TMEM232: variants seen among roughly 807,000 people sequenced by gnomAD.
TMEM232 encodes the protein transmembrane protein 232.
Under a neutral mutation model 78.8 loss-of-function variants are expected in TMEM232, and 80 were observed. That is an observed-to-expected ratio of 1.01 (90% CI 0.85 to 1.22). TMEM232 has a LOEUF of 1.22. Ranked by LOEUF, TMEM232 falls within the 50% of genes most tolerant of loss-of-function variation. The probability of loss-of-function intolerance (pLI) is 0.00; values close to 1 mark genes in which losing one functional copy is unlikely to be tolerated. For synonymous variants in TMEM232, 297 were observed against 254.3 expected (o/e 1.17, Z -1.60); for missense variants, 881 against 742.2 (o/e 1.19, Z -2.17).
At chr5:110,703,064 T>C (rs1470902116) in intron 1 of TMEM232, among the ~76,000 whole-genome samples, 1 of 151,916 alleles carries the variant, frequency 6.6e-6, no homozygotes, top group Non-Finnish European at 1.5e-5. Flanking sequence ...AACTTGACTC[T>C]CCGGAGGGTA....
intron 11 of TMEM232, among the ~76,000 whole-genome samples, chr5:110,541,513 A>T (rs1341871780): frequency 1.3e-5 from 2 of 152,148 alleles, no homozygotes; most frequent in Non-Finnish European, 2.9e-5. Context: ...CCAAAGTGAT[A>T]AAGGCATGTC....
intron 10 of TMEM232, among the ~76,000 whole-genome samples, chr5:110,602,893 A>T (rs760688460): frequency 4.6e-5 from 7 of 152,222 alleles, no homozygotes; most frequent in Non-Finnish European, 8.8e-5. Flanking sequence ...AACCAACCCA[A>T]ATGCCCATCA....
chr5:110,695,476 G>A (rs1487614424), intron 1 of TMEM232, among the ~76,000 whole-genome samples: 6 of 152,090 alleles, frequency 3.9e-5, no homozygotes, highest in African/African-American at 1.4e-4. Flanking sequence ...AGGGAATAGA[G>A]ACACAAAAAA....
chr5:110,387,520 C>G (rs1017385126), intron 5 of TMEM232, among the ~76,000 whole-genome samples: 1 of 152,144 alleles, frequency 6.6e-6, no homozygotes, highest in African/African-American at 2.4e-5. Flanking sequence ...AAAAAATAAA[C>G]TACGACTTTT....
intron 10 of TMEM232, among the ~76,000 whole-genome samples, chr5:110,584,040 A>C (rs192508408): frequency 6.6e-6 from 1 of 151,752 alleles, no homozygotes; most frequent in East Asian, 1.9e-4. Context: ...CCTGCAGTAC[A>C]CTACTGGTAG....
intron 1 of TMEM232, among the ~76,000 whole-genome samples, chr5:110,696,569 A>C (rs1479152634): frequency 6.6e-6 from 1 of 152,228 alleles, no homozygotes; most frequent in Admixed American, 6.5e-5. Flanking sequence ...GTCTCAGCCC[A>C]AAATCTCCTT....
chr5:110,430,263 C>G (rs1398802433), intron 12 of TMEM232, among the ~76,000 whole-genome samples: 1 of 151,438 alleles, frequency 6.6e-6, no homozygotes, highest in African/African-American at 2.4e-5. Context: ...AAAGTTTTCT[C>G]TCGTTTAATT....
intron 12 of TMEM232, among the ~76,000 whole-genome samples, chr5:110,466,491 G>C (rs1327632047): frequency 6.6e-6 from 1 of 152,094 alleles, no homozygotes; most frequent in Admixed American, 6.5e-5. Flanking sequence ...TGTTTTCCAT[G>C]AGTTTATTTA....
chr5:110,450,117 G>A lies in TMEM232; in HGVS notation c.1704-25201C>T, dbSNP rs556959863. 4.8e-4 allele frequency among the ~76,000 whole-genome samples: 73 copies of A among 152,162 alleles called. 1 individual carries two copies. The highest frequency in any genetic ancestry group is 1.6e-3 in the African/African-American group (65 of 41,522). ...CTGTCTCCTGCTGCCATGTGAAAAC[G>A]TGCTTGCTGCCCCTTCACACTTCCA... On this transcript the variant is annotated intron_variant, in intron 12 of 13. Transcript: ENST00000455884.
intron 12 of TMEM232, among the ~76,000 whole-genome samples, chr5:110,440,835 A>G (rs975652976): frequency 3.9e-5 from 6 of 152,102 alleles, no homozygotes; most frequent in African/African-American, 1.4e-4. Context: ...TCATCCACTT[A>G]TTTATTGCTA....
intron 5 of TMEM232, among the ~76,000 whole-genome samples, chr5:110,634,469 T>G (rs1384011640): frequency 2.0e-5 from 3 of 152,024 alleles, no homozygotes; most frequent in Non-Finnish European, 2.9e-5. Flanking sequence ...CTCAACAAAT[T>G]TTTAAAATCA....
At chr5:110,455,258 A>G (rs1760771413) in intron 12 of TMEM232, among the ~76,000 whole-genome samples, 1 of 152,226 alleles carries the variant, frequency 6.6e-6, no homozygotes, top group Non-Finnish European at 1.5e-5. Context: ...CAAAATCTCC[A>G]TGAAAGTAAC....
At chr5:110,724,234 C>G (rs930185107) in intron 1 of TMEM232, among the ~76,000 whole-genome samples, 1 of 151,892 alleles carries the variant, frequency 6.6e-6, no homozygotes, top group Non-Finnish European at 1.5e-5. Flanking sequence ...CCAGAATACC[C>G]TTCTCTTCAT....
intron 8 of TMEM232, among the ~76,000 whole-genome samples, chr5:110,608,857 A>G (rs1194179400): frequency 6.6e-6 from 1 of 152,058 alleles, no homozygotes; most frequent in East Asian, 1.9e-4. Flanking sequence ...TGAACTCATT[A>G]TAATTCAGAA....
At chr5:110,397,238 A>G (rs1350724426) in intron 3 of TMEM232, among the ~76,000 whole-genome samples, 2 of 152,164 alleles carry the variant, frequency 1.3e-5, no homozygotes, top group African/African-American at 4.8e-5. Flanking sequence ...CCTCAAGACT[A>G]GATATATGCC....
chr5:110,393,344 G>A (rs115010312), intron 3 of TMEM232, among the ~76,000 whole-genome samples: 1,791 of 152,190 alleles, frequency 0.012, 28 homozygotes, highest in African/African-American at 0.04. Context: ...GCTGTTAGGT[G>A]CATAAACATT....
At chr5:110,436,684 G>T (rs534766426) in intron 12 of TMEM232, among the ~76,000 whole-genome samples, 83 of 152,158 alleles carry the variant, frequency 5.5e-4, no homozygotes, top group African/African-American at 1.9e-3. Context: ...TGGATATCCA[G>T]TTTTCCCAGC....
At chr5:110,494,713 A>G (rs1172870910) in intron 12 of TMEM232, among the ~76,000 whole-genome samples, 1 of 152,098 alleles carries the variant, frequency 6.6e-6, no homozygotes, top group Non-Finnish European at 1.5e-5. Context: ...CCATTGACAG[A>G]GACACTGAAA....
intron 12 of TMEM232, among the ~76,000 whole-genome samples, chr5:110,483,799 T>C (rs1470210227): frequency 6.6e-6 from 1 of 152,116 alleles, no homozygotes. Context: ...AGCAATTTCA[T>C]TACTGGGTAT....
Sources: allele counts gnomAD v4.1 joint callset (sites outside exome capture counted in the v4.1 genomes callset), GRCh38; gene constraint gnomAD v4.1.1; transcripts MANE v1.5; gene names NCBI Gene and HGNC (gene_info 2026-07-23, HGNC 2026-07-21).